The following GTF2IRD1 variants were observed in gnomAD, a reference collection of about 807,000 sequenced individuals.
The protein encoded by GTF2IRD1 is general transcription factor II-I repeat domain-containing protein 1.
A neutral mutation model predicts 113.2 loss-of-function variants in GTF2IRD1; 26 were observed. That is an observed-to-expected ratio of 0.23 (90% CI 0.17 to 0.32). The LOEUF (loss-of-function observed/expected upper bound fraction) is 0.32. Ranked by LOEUF, GTF2IRD1 falls within the 10% of genes least tolerant of loss-of-function variation. The pLI is 1.00. For synonymous variants in GTF2IRD1, 484 were observed against 529.1 expected (o/e 0.91, Z 1.17); for missense variants, 864 against 1,280.8 (o/e 0.67, Z 4.97).
intron 8 of GTF2IRD1, among the ~76,000 whole-genome samples, chr7:74,528,479 A>T (rs1554347697): frequency 6.6e-6 from 1 of 152,120 alleles, no homozygotes; most frequent in Non-Finnish European, 1.5e-5. Context: ...TGCTGGGATG[A>T]CAGGCATGAG....
At chr7:74,524,424 C>A (rs1217481515) in intron 8 of GTF2IRD1, among the ~76,000 whole-genome samples, 3 of 151,978 alleles carry the variant, frequency 2.0e-5, no homozygotes, top group Non-Finnish European at 4.4e-5. Context: ...AGGTTGGGGG[C>A]AGAGATTACC....
chr7:74,569,179 TG>T (rs1277358074), intron 22 of GTF2IRD1, among the ~76,000 whole-genome samples: 1 of 152,178 alleles, frequency 6.6e-6, no homozygotes, highest in Non-Finnish European at 1.5e-5. Flanking sequence ...CCTGAGGAGC[TG>T]GTGTTCCCTA....
intron 1 of GTF2IRD1, among the ~76,000 whole-genome samples, chr7:74,490,734 G>A (rs1339783218): frequency 2.0e-5 from 3 of 151,898 alleles, no homozygotes; most frequent in Admixed American, 6.6e-5. Context: ...CAACGCCCCA[G>A]CTGGTCCATA....
chr7:74,563,989 A>C (rs1163246906), intron 22 of GTF2IRD1, among the ~76,000 whole-genome samples: 7 of 152,034 alleles, frequency 4.6e-5, no homozygotes, highest in Admixed American at 1.3e-4. Context: ...GAAGGTAAAA[A>C]TTCTGAAAGA....
intron 8 of GTF2IRD1, among the ~76,000 whole-genome samples, chr7:74,526,239 T>G (rs587621594): frequency 6.6e-6 from 1 of 152,234 alleles, no homozygotes; most frequent in Non-Finnish European, 1.5e-5. Flanking sequence ...TGTCAGTTCC[T>G]GAGTCACATC....
intron 25 of GTF2IRD1, among the ~76,000 whole-genome samples, chr7:74,596,674 C>T (rs1802435519): frequency 6.6e-6 from 1 of 151,814 alleles, no homozygotes; most frequent in Non-Finnish European, 1.5e-5. Flanking sequence ...CACTGATTGG[C>T]CAGGTGTGGT....
At chr7:74,488,486 G>A (rs182971180) in intron 1 of GTF2IRD1, among the ~76,000 whole-genome samples, 33 of 152,270 alleles carry the variant, frequency 2.2e-4, no homozygotes, top group African/African-American at 6.7e-4. Flanking sequence ...GGCTGGGCAC[G>A]GTGGCTCACG....
At chr7:74,580,363 C>T (rs146236144) in intron 22 of GTF2IRD1, among the ~76,000 whole-genome samples, 7,138 of 152,188 alleles carry the variant, frequency 0.047, 359 homozygotes, top group East Asian at 0.16. Context: ...TCGCTGGCTG[C>T]GTCTCCCTGC....
At chr7:74,514,471 C>A (rs901025081) in intron 3 of GTF2IRD1, among the ~76,000 whole-genome samples, 38 of 152,286 alleles carry the variant, frequency 2.5e-4, no homozygotes, top group Middle Eastern at 3.4e-3. Flanking sequence ...ATTTATAGCA[C>A]CAGGAACTCG....
chr7:74,472,771 T>TAATC (rs797041822), intron 1 of GTF2IRD1, among the ~76,000 whole-genome samples: 1 of 152,058 alleles, frequency 6.6e-6, no homozygotes, highest in Admixed American at 6.6e-5. Context: ...AATAAATAAA[T>TAATC]AATCAATCAA....
chr7:74,569,606 C>T (rs1225807638), intron 22 of GTF2IRD1, among the ~76,000 whole-genome samples: 1 of 152,152 alleles, frequency 6.6e-6, no homozygotes, highest in East Asian at 1.9e-4. Flanking sequence ...ATCAGATTTG[C>T]GCTGTCTTCA....
chr7:74,591,851 C>T (rs1554369802), intron 24 of GTF2IRD1, among the ~76,000 whole-genome samples: 1 of 151,914 alleles, frequency 6.6e-6, no homozygotes, highest in East Asian at 1.9e-4. Context: ...AACTCCTAAG[C>T]TCAAGTGATC....
chr7:74,536,853 G>A (rs782647951), intron 11 of GTF2IRD1, among the ~76,000 whole-genome samples: 10 of 152,102 alleles, frequency 6.6e-5, no homozygotes, highest in African/African-American at 9.7e-5. Context: ...GCTCACTCCT[G>A]TAATCCCAGC....
intron 25 of GTF2IRD1, among the ~76,000 whole-genome samples, chr7:74,599,839 C>T (rs1191857390): frequency 6.6e-6 from 1 of 152,062 alleles, no homozygotes; most frequent in Admixed American, 6.6e-5. Context: ...CCTCTTTATA[C>T]CCTCCCTGGA....
chr7:74,515,446 C>T lies in GTF2IRD1; in HGVS notation c.271C>T (p.Pro91Ser), dbSNP rs1203240070. 4 of 1,585,024 alleles carry T rather than the reference C, an allele frequency of 2.5e-6. No individual in the cohort carries two copies. The highest frequency in any genetic ancestry group is 1.3e-5 in the African/African-American group (1 of 74,460). ...GCGTGCTCTGTGTCCCACAGGAGGG[C>T]CCCCGTGGAAGGATCCGGAGGCAGA... ...QSDFLRFCRG[P>S]PWKDPEAEHP... is the part of the protein sequence containing the mutation. The change falls in exon 4 of 27, where the codon CCC (proline) becomes TCC (serine). Residue 91 changes from proline (P) to serine (S), a missense_variant. Physicochemically the swap from Pro to Ser is moderately conservative, Grantham distance 74 (BLOSUM62 -1). Around this residue, in one of 7 missense-constraint regions of GTF2IRD1, gnomAD observed 182 missense variants for 266.6 expected, o/e 0.68. Transcript: ENST00000424337.
intron 12 of GTF2IRD1, 54 bp downstream of exon 12, chr7:74,538,227 A>T: frequency 1.3e-6 from 2 of 1,561,188 alleles, no homozygotes; most frequent in Admixed American, 1.7e-5. Flanking sequence ...GGCAACCACC[A>T]GCCCTACCCG....
chr7:74,597,375 C>T (rs1802486593), intron 25 of GTF2IRD1, among the ~76,000 whole-genome samples: 1 of 132,516 alleles, frequency 7.5e-6, no homozygotes. Context: ...AAGACAGAGT[C>T]TCACTCTGTC....
In GTF2IRD1 at chr7:74,570,128, G is replaced by A. The variant is rs191437459; in HGVS notation, c.2320+10473G>A. On this transcript the variant is annotated intron_variant, in intron 22 of 26. Transcript: ENST00000424337. ...TGTAATCCCAGGACTTTGGGAGGCTGAGGCGGGTAGATCACCTGAGGTCGG... is the reference window on the plus strand; with the variant it reads ...TGTAATCCCAGGACTTTGGGAGGCTAAGGCGGGTAGATCACCTGAGGTCGG... Among the ~76,000 whole-genome samples the A allele has an allele frequency of 6.0e-3, 917 of 152,208 alleles. 9 individuals carry two copies. The highest frequency in any genetic ancestry group is 0.02 in the African/African-American group (844 of 41,528).
At chr7:74,538,255 C>A in intron 12 of GTF2IRD1, 82 bp downstream of exon 12, 1 of 1,375,310 alleles carries the variant, frequency 7.3e-7, no homozygotes, top group Non-Finnish European at 1.0e-6. Context: ...TGGGGAGGAG[C>A]TCAACTCAGC....
Sources: allele counts gnomAD v4.1 joint callset (sites outside exome capture counted in the v4.1 genomes callset), GRCh38; gene constraint gnomAD v4.1.1; regional missense constraint gnomAD v4.1.1; transcripts MANE v1.5; gene names NCBI Gene and HGNC (gene_info 2026-07-23, HGNC 2026-07-21).